The following DBF4B variants were observed in gnomAD, a reference collection of about 807,000 sequenced individuals.
DBF4B encodes the protein DBF4B-CDC7 kinase regulatory subunit.
Under a neutral mutation model 53.4 loss-of-function variants are expected in DBF4B, and 49 were observed. The observed-to-expected ratio is 0.92, with a 90% CI of 0.73 to 1.16. DBF4B has a LOEUF of 1.16. Ranked by LOEUF, DBF4B falls within the 50% of genes most tolerant of loss-of-function variation. The pLI, the probability that DBF4B is intolerant of heterozygous loss-of-function variation, is 0.00. For synonymous variants in DBF4B, 257 were observed against 288.7 expected (o/e 0.89, Z 1.11); for missense variants, 692 against 775.0 (o/e 0.89, Z 1.27).
In DBF4B at chr17:44,749,750, T is replaced by G; in HGVS notation, c.1190-845T>G. 4.5e-6 allele frequency: 5 copies of G among 1,119,662 alleles called. No individual in the cohort carries two copies. The highest frequency in any genetic ancestry group is 5.5e-6 in the Non-Finnish European group (5 of 905,216). The allele number at this position is 1,119,662 out of a possible 1,614,324, so 69.4% of individuals were successfully genotyped here. A position where few individuals can be genotyped will look rare whatever the true frequency, so the allele number is the denominator to read the frequency against. On this transcript the variant is annotated intron_variant, in intron 13 of 13. Transcript: ENST00000315005. The surrounding 1 kb of genome is among the most constrained non-coding windows in gnomAD (Gnocchi z 4.4). ...CAGCAGGAGTCCTGGCCCGGCTTCC[T>G]GGCCCTCCACAGGCCCTTGCCTCTC...
chr17:44,737,173 T>C (rs923256913), intron 8 of DBF4B, among the ~76,000 whole-genome samples: 1 of 152,182 alleles, frequency 6.6e-6, no homozygotes, highest in African/African-American at 2.4e-5. Flanking sequence ...TCCTTTTCCT[T>C]CTGATTCAGT....
intron 1 of DBF4B, 106 bp downstream of exon 1, chr17:44,708,945 G>C: frequency 6.8e-7 from 1 of 1,476,152 alleles, no homozygotes; most frequent in African/African-American, 1.4e-5. Flanking sequence ...GCGGGTAGGT[G>C]CCGAAGCTGA....
chr17:44,733,343 C>T (rs567967561), intron 6 of DBF4B, among the ~76,000 whole-genome samples: 4 of 152,350 alleles, frequency 2.6e-5, no homozygotes, highest in Non-Finnish European at 5.9e-5. Context: ...CCACCACTCT[C>T]AGTTTTACTC....
chr17:44,716,070 C>T (rs1350015569), intron 2 of DBF4B, among the ~76,000 whole-genome samples: 6 of 151,974 alleles, frequency 3.9e-5, no homozygotes, highest in South Asian at 2.1e-4. Flanking sequence ...GTAATCCACC[C>T]GCCTCGGCCT....
intron 2 of DBF4B, among the ~76,000 whole-genome samples, chr17:44,712,684 C>A (rs1208461835): frequency 6.6e-6 from 1 of 151,950 alleles, no homozygotes; most frequent in African/African-American, 2.4e-5. Context: ...CACGATCTGC[C>A]CTCCTCAGCC....
At chr17:44,724,534 C>T (rs1371789651) in intron 3 of DBF4B, among the ~76,000 whole-genome samples, 1 of 152,204 alleles carries the variant, frequency 6.6e-6, no homozygotes, top group East Asian at 1.9e-4. Flanking sequence ...CCTATCACCA[C>T]GCCCGGCTAA....
chr17:44,727,473 T>TTA (rs1259808416), intron 3 of DBF4B, among the ~76,000 whole-genome samples: 8 of 151,732 alleles, frequency 5.3e-5, no homozygotes, highest in Non-Finnish European at 1.2e-4. Context: ...AAGAGACTAA[T>TTA]AACTGGGGAA....
rs2145184042 is a variant in DBF4B, at chr17:44,751,313, TGAG to T, written c.*62_*64del. The T allele has an allele frequency of 6.4e-7, 1 of 1,555,784 alleles. No individual in the cohort carries two copies. Among genetic ancestry groups the T allele is most frequent in the African/African-American group, 1.4e-5 (1 of 73,980 alleles). ...ATGGATGGGTGCTGCTTGATGTGAA[TGAG>T]GTCCCGCAGTGGCTCCTTGGCGTGA... On this transcript the variant is annotated 3_prime_UTR_variant, in exon 14 of 14. Transcript: ENST00000315005.
chr17:44,738,579 A>G (rs1056615828), intron 9 of DBF4B, among the ~76,000 whole-genome samples, 155 bp downstream of exon 9: 29 of 152,308 alleles, frequency 1.9e-4, no homozygotes, highest in Admixed American at 6.5e-4. Context: ...TCCCATTGTC[A>G]TGGAGAAGTC....
intron 2 of DBF4B, chr17:44,718,796 T>G (rs940056625): frequency 1.3e-5 from 2 of 151,702 alleles, no homozygotes; most frequent in Non-Finnish European, 2.9e-5. Context: ...ATACTGAAAT[T>G]TAAATTGTTT....
In DBF4B at chr17:44,747,127, C is replaced by G; in HGVS notation, c.875C>G (p.Thr292Ser). 6.2e-7 allele frequency: 1 copy of G among 1,614,220 alleles called. No individual in the cohort carries two copies. The highest frequency in any genetic ancestry group is 1.7e-5 in the Admixed American group (1 of 60,032). The change falls in exon 11 of 14, where the codon ACC (threonine) becomes AGC (serine). Residue 292 changes from threonine to serine, a missense_variant. Thr to Ser is a moderately conservative substitution (Grantham distance 58, BLOSUM62 1). This residue lies in a region of DBF4B where 597 missense variants were observed against 665.8 expected (regional missense o/e 0.90). Transcript: ENST00000315005. ...GEPSPRSAAH[T>S]MPRRKKGYCE... The stretch of plus-strand genomic sequence containing the variant: ...CCAAGCCCACGATCAGCTGCCCACA[C>G]CATGCCCAGGAGGAAGAAAGGCTAC...
intron 3 of DBF4B, among the ~76,000 whole-genome samples, chr17:44,726,071 C>T (rs1367463481): frequency 6.9e-6 from 1 of 144,790 alleles, no homozygotes; most frequent in Non-Finnish European, 1.5e-5. Context: ...CTCACTGCAA[C>T]CTCCACCTCC....
chr17:44,730,381 A>G (rs1974731445), intron 4 of DBF4B, among the ~76,000 whole-genome samples: 1 of 152,142 alleles, frequency 6.6e-6, no homozygotes, highest in Non-Finnish European at 1.5e-5. Flanking sequence ...ACGTGTTGGG[A>G]TTGGTCTGCG....
chr17:44,735,751 G>A (rs1490842426), intron 7 of DBF4B, among the ~76,000 whole-genome samples: 1 of 152,218 alleles, frequency 6.6e-6, no homozygotes, highest in African/African-American at 2.4e-5. Context: ...GCAAGGGAAT[G>A]TGAGAGGCTT....
intron 10 of DBF4B, among the ~76,000 whole-genome samples, chr17:44,744,900 T>G (rs1403839671): frequency 6.6e-6 from 1 of 152,210 alleles, no homozygotes. Flanking sequence ...ACTTTGCCCA[T>G]TTTTTATTTG....
chr17:44,735,547 G>A (rs1975318782), intron 7 of DBF4B, among the ~76,000 whole-genome samples: 1 of 152,244 alleles, frequency 6.6e-6, no homozygotes, highest in South Asian at 2.1e-4. Context: ...GCGCATGCCT[G>A]TAATCCCAGC....
At chr17:44,710,044 G>A (rs1293831127) in intron 2 of DBF4B, among the ~76,000 whole-genome samples, 1 of 151,902 alleles carries the variant, frequency 6.6e-6, no homozygotes, top group Non-Finnish European at 1.5e-5. Flanking sequence ...GTGGTGAGGC[G>A]TGCCTGTAGT....
chr17:44,735,263 C>CACT (rs1454871442), intron 7 of DBF4B, among the ~76,000 whole-genome samples: 1 of 152,194 alleles, frequency 6.6e-6, no homozygotes, highest in Non-Finnish European at 1.5e-5. Flanking sequence ...TCTCCTCAAC[C>CACT]ACTGACCTTC....
intron 2 of DBF4B, among the ~76,000 whole-genome samples, chr17:44,722,338 G>A (rs1004836245): frequency 6.6e-6 from 1 of 152,148 alleles, no homozygotes; most frequent in African/African-American, 2.4e-5. Context: ...GCCCATTCAG[G>A]AGCCAACAAG....
Sources: gnomAD v4.1 joint callset for allele counts (sites outside exome capture counted in the v4.1 genomes callset) on GRCh38, gnomAD v4.1.1 for gene constraint, gnomAD v4.1.1 regional missense constraint, Gnocchi (gnomAD v3.1) non-coding constraint, MANE v1.5 for transcripts, NCBI Gene and HGNC (gene_info 2026-07-23, HGNC 2026-07-21) for gene names.